Variants in PTPRD observed in about 807,000 individuals in gnomAD.
The protein encoded by PTPRD is protein tyrosine phosphatase receptor type D.
In PTPRD, 34 loss-of-function variants were observed where a neutral mutation model predicts 214.5. That is an observed-to-expected ratio of 0.16 (90% CI 0.12 to 0.21). The LOEUF (loss-of-function observed/expected upper bound fraction) is 0.21, where lower values mean the gene tolerates loss of function less well. Ranked by LOEUF, PTPRD falls within the 10% of genes least tolerant of loss-of-function variation. The pLI is 1.00. For missense variants in PTPRD, 2,545 were observed against 2,398.7 expected (o/e 1.06, Z -1.27); for synonymous variants, 1,128 against 845.7 (o/e 1.33, Z -5.79).
At chr9:8,690,612 T>C (rs2097783482) in intron 12 of PTPRD, among the ~76,000 whole-genome samples, 1 of 152,040 alleles carries the variant, frequency 6.6e-6, no homozygotes, top group Admixed American at 6.6e-5. Flanking sequence ...ACACAATATG[T>C]TTCTCATAAA....
chr9:9,668,065 C>T (rs781674617), intron 7 of PTPRD, among the ~76,000 whole-genome samples: 13 of 152,256 alleles, frequency 8.5e-5, no homozygotes, highest in Admixed American at 3.9e-4. Flanking sequence ...AGATTGCCCT[C>T]ATCCCACCCA....
chr9:9,036,027 C>A (rs1026826710), intron 10 of PTPRD, among the ~76,000 whole-genome samples: 1 of 151,920 alleles, frequency 6.6e-6, no homozygotes, highest in Non-Finnish European at 1.5e-5. Flanking sequence ...ATGTGCCTAC[C>A]TCTTTTGAAA....
chr9:10,100,514 T>C (rs376348722), intron 3 of PTPRD, among the ~76,000 whole-genome samples: 1 of 151,618 alleles, frequency 6.6e-6, no homozygotes, highest in Non-Finnish European at 1.5e-5. Flanking sequence ...AGGAGGATGA[T>C]CTCAGAGCCA....
chr9:8,774,073 A>G (rs1362847387), intron 11 of PTPRD, among the ~76,000 whole-genome samples: 1 of 152,130 alleles, frequency 6.6e-6, no homozygotes, highest in Non-Finnish European at 1.5e-5. Context: ...TACCACAGCT[A>G]TTTATGTAAA....
chr9:8,782,998 T>C (rs966764437), intron 11 of PTPRD, among the ~76,000 whole-genome samples: 11 of 152,168 alleles, frequency 7.2e-5, no homozygotes, highest in African/African-American at 2.7e-4. Flanking sequence ...TTCTCTACCC[T>C]TGCAGTTTTT....
At position 9,926,466 on chromosome 9, in the gene PTPRD, C is replaced by A. The variant is rs560988254; in HGVS notation, c.-368+12041G>T. Among the ~76,000 whole-genome samples the A allele has an allele frequency of 1.4e-4, 21 of 152,008 alleles. 1 individual carries two copies. The South Asian group carries it at 3.5e-3, about 26-fold the overall frequency. On this transcript the variant is annotated intron_variant, in intron 5 of 45. Transcript: ENST00000381196. ...GGAGGCTATGAAAGAGGACTCAGAT[C>A]TTGGAACGATGTATTTTTTTCAGTA...
At chr9:10,498,474 C>T (rs542521653) in intron 2 of PTPRD, among the ~76,000 whole-genome samples, 45 of 151,286 alleles carry the variant, frequency 3.0e-4, no homozygotes, top group African/African-American at 1.1e-3. Context: ...TAAAGGAAGG[C>T]TTCCTTGCAC....
At chr9:9,074,291 G>C (rs2099747844) in intron 10 of PTPRD, among the ~76,000 whole-genome samples, 1 of 151,988 alleles carries the variant, frequency 6.6e-6, no homozygotes, top group Non-Finnish European at 1.5e-5. Context: ...TAATTGAAAA[G>C]AGATAAGGAG....
chr9:9,805,584 T>C (rs2099067977), intron 5 of PTPRD, among the ~76,000 whole-genome samples: 1 of 152,208 alleles, frequency 6.6e-6, no homozygotes, highest in South Asian at 2.1e-4. Flanking sequence ...TTTCTTTTAT[T>C]ATAACTCAGG....
At chr9:10,462,976 A>G (rs1029921648) in intron 2 of PTPRD, among the ~76,000 whole-genome samples, 28 of 150,056 alleles carry the variant, frequency 1.9e-4, no homozygotes, top group African/African-American at 6.6e-4. Context: ...TATATAATAT[A>G]AAAATATATA....
At chr9:9,189,285 C>T (rs181437647) in intron 9 of PTPRD, among the ~76,000 whole-genome samples, 18 of 152,082 alleles carry the variant, frequency 1.2e-4, no homozygotes, top group African/African-American at 3.9e-4. Flanking sequence ...CTAATTAAAC[C>T]TCATTTCACA....
At chr9:8,612,819 T>C (rs1404567137) in intron 14 of PTPRD, among the ~76,000 whole-genome samples, 2 of 152,218 alleles carry the variant, frequency 1.3e-5, no homozygotes, top group East Asian at 1.9e-4. Context: ...CACATTCTTT[T>C]TTATGCAAGA....
chr9:9,852,563 A>T (rs1398591556), intron 5 of PTPRD, among the ~76,000 whole-genome samples: 3 of 152,152 alleles, frequency 2.0e-5, no homozygotes, highest in Non-Finnish European at 4.4e-5. Context: ...GCTCAGGTTA[A>T]TTATATAAAA....
At chr9:9,106,779 G>C (rs2099799271) in intron 10 of PTPRD, among the ~76,000 whole-genome samples, 1 of 152,018 alleles carries the variant, frequency 6.6e-6, no homozygotes, top group Non-Finnish European at 1.5e-5. Flanking sequence ...CTTTCTCCAT[G>C]TATTTTTTAA....
chr9:9,654,673 T>A (rs1327281406), intron 7 of PTPRD, among the ~76,000 whole-genome samples: 1 of 152,212 alleles, frequency 6.6e-6, no homozygotes, highest in Non-Finnish European at 1.5e-5. Flanking sequence ...GTCCTCAGGT[T>A]AAAATATTCT....
intron 5 of PTPRD, among the ~76,000 whole-genome samples, chr9:9,913,714 C>T (rs1212683581): frequency 6.6e-6 from 1 of 152,180 alleles, no homozygotes; most frequent in Non-Finnish European, 1.5e-5. Context: ...CATCTACAGT[C>T]TCATACAACA....
At chr9:9,816,990 C>T (rs2761744) in intron 5 of PTPRD, among the ~76,000 whole-genome samples, 2,335 of 151,768 alleles carry the variant, frequency 0.015, 48 homozygotes, top group African/African-American at 0.053. Flanking sequence ...ATTTTATATA[C>T]GTAACTACAG....
chr9:8,834,413 T>A (rs1312396811), intron 11 of PTPRD, among the ~76,000 whole-genome samples: 1 of 119,942 alleles, frequency 8.3e-6, no homozygotes, highest in Non-Finnish European at 1.7e-5. Context: ...TATACAAAAA[T>A]AGTCTCTTTT....
At chr9:9,278,937 A>G (rs147464512) in intron 9 of PTPRD, among the ~76,000 whole-genome samples, 109 of 151,396 alleles carry the variant, frequency 7.2e-4, no homozygotes, top group African/African-American at 2.4e-3. Context: ...GCTTTACTAC[A>G]TCTCTTTTCT....
Sources: allele counts gnomAD v4.1 joint callset (sites outside exome capture counted in the v4.1 genomes callset), GRCh38; gene constraint gnomAD v4.1.1; transcripts MANE v1.5; gene names NCBI Gene and HGNC (gene_info 2026-07-23, HGNC 2026-07-21).